GRIA4: variants seen among roughly 807,000 people sequenced by gnomAD.
GRIA4 encodes glutamate ionotropic receptor AMPA type subunit 4, also known as glutamate receptor 4.
A neutral mutation model predicts 104.0 loss-of-function variants in GRIA4; 34 were observed. The ratio of observed to expected loss-of-function variants is 0.33; its 90% CI spans 0.25 to 0.44. GRIA4 has a LOEUF of 0.44. Among genes scored for constraint, GRIA4 ranks in the 20% least tolerant of loss-of-function variants. The pLI, the probability that GRIA4 is intolerant of heterozygous loss-of-function variation, is 1.00. For synonymous variants in GRIA4, 386 were observed against 381.9 expected (o/e 1.01, Z -0.13); for missense variants, 750 against 1,096.5 (o/e 0.68, Z 4.46).
chr11:105,666,268 A>T (rs1438869730), intron 3 of GRIA4, among the ~76,000 whole-genome samples: 1 of 152,166 alleles, frequency 6.6e-6, no homozygotes, highest in East Asian at 1.9e-4. Context: ...TAATCCTTTC[A>T]TTCAAACAAT....
chr11:105,674,352 A>G (rs1055444980), intron 3 of GRIA4, among the ~76,000 whole-genome samples: 7 of 151,772 alleles, frequency 4.6e-5, no homozygotes, highest in Non-Finnish European at 7.4e-5. Context: ...GGGAGGGGTG[A>G]TTTTTAAATT....
intron 4 of GRIA4, among the ~76,000 whole-genome samples, chr11:105,783,592 C>A (rs1281845332): frequency 6.6e-6 from 1 of 152,216 alleles, no homozygotes; most frequent in Non-Finnish European, 1.5e-5. Context: ...CTTCCTTTAT[C>A]GTCCATAGGT....
chr11:105,779,429 G>GA (rs1033085742), intron 4 of GRIA4, among the ~76,000 whole-genome samples: 20 of 151,798 alleles, frequency 1.3e-4, no homozygotes, highest in African/African-American at 4.8e-4. Flanking sequence ...CACAGAATTG[G>GA]AAAAAACTAC....
chr11:105,756,891 G>A (rs1940343097), intron 4 of GRIA4, among the ~76,000 whole-genome samples: 1 of 152,072 alleles, frequency 6.6e-6, no homozygotes, highest in Admixed American at 6.6e-5. Flanking sequence ...CCAAGTATGA[G>A]GATCATCCAT....
chr11:105,626,984 T>C (rs1043512575), intron 3 of GRIA4, among the ~76,000 whole-genome samples: 32 of 152,178 alleles, frequency 2.1e-4, no homozygotes, highest in African/African-American at 7.2e-4. Context: ...CAGGTAAAGA[T>C]AGGTGCATTG....
At chr11:105,904,893 G>A (rs1946987086) in intron 8 of GRIA4, among the ~76,000 whole-genome samples, 1 of 152,068 alleles carries the variant, frequency 6.6e-6, no homozygotes, top group Non-Finnish European at 1.5e-5. Context: ...ATAAAAAATT[G>A]CCATTCCTAT....
intron 3 of GRIA4, among the ~76,000 whole-genome samples, chr11:105,669,796 C>G (rs2135434025): frequency 6.6e-6 from 1 of 152,282 alleles, no homozygotes; most frequent in South Asian, 2.1e-4. Context: ...TCACATAATT[C>G]TCTATTGTCA....
intron 4 of GRIA4, among the ~76,000 whole-genome samples, chr11:105,809,138 A>G (rs1943069893): frequency 1.3e-5 from 2 of 152,114 alleles, no homozygotes; most frequent in African/African-American, 4.8e-5. Flanking sequence ...TGTCTTTGCA[A>G]TTTTATGTAA....
intron 14 of GRIA4, chr11:105,965,836 G>A (rs1382944039): frequency 1.7e-5 from 13 of 777,442 alleles, no homozygotes; most frequent in Non-Finnish European, 2.6e-5. Context: ...ATGGTAAAAT[G>A]AGAGGTTTAT....
chr11:105,622,563 T>C (rs1331945350), intron 3 of GRIA4, among the ~76,000 whole-genome samples: 2 of 151,802 alleles, frequency 1.3e-5, no homozygotes, highest in African/African-American at 4.8e-5. Context: ...TTTTTTTTTC[T>C]TTCTTCTGAT....
rs1453445736 is a variant in GRIA4 at position 105,862,006 on chromosome 11, T to A, written c.488-18T>A. The A allele has an allele frequency of 9.2e-6, 14 of 1,515,022 alleles. No homozygotes were observed. Among genetic ancestry groups the A allele is most frequent in the Non-Finnish European group, 1.8e-6 (2 of 1,100,762 alleles). The allele number at this position is 1,515,022 out of a possible 1,614,324, so 93.8% of individuals were successfully genotyped here. A position where few individuals can be genotyped will look rare whatever the true frequency, so the allele number is the denominator to read the frequency against. ...GGAGTAAAAGCATGTTTTTAGTAAC[T>A]TTTTTTTTCCCCAATAGGATACTCG... On this transcript the variant is annotated intron_variant, in intron 4 of 16. Transcript: ENST00000282499.
intron 3 of GRIA4, among the ~76,000 whole-genome samples, chr11:105,651,454 G>A (rs1018578251): frequency 1.3e-5 from 2 of 152,050 alleles, no homozygotes; most frequent in Admixed American, 6.6e-5. Context: ...AGACGGACAC[G>A]GGAATCTCTC....
chr11:105,866,545 GTGTGTGTATATATATATATATATATA>G (rs112306017), intron 5 of GRIA4, among the ~76,000 whole-genome samples: 14,851 of 71,230 alleles, frequency 0.21, 937 homozygotes, highest in Non-Finnish European at 0.22. Flanking sequence ...ATGTGTGTGT[GTGTGTGTATATATATATATATATATA>G]TATATATATA....
chr11:105,683,271 C>T (rs1013657026), intron 3 of GRIA4, among the ~76,000 whole-genome samples: 3 of 151,372 alleles, frequency 2.0e-5, no homozygotes, highest in Admixed American at 1.3e-4. Flanking sequence ...GTATATGATG[C>T]CTCTTTAGAT....
intron 1 of GRIA4, 38 bp from the exon 2 acceptor site, chr11:105,610,870 C>CTTTTTTTTTTTTTTTTTGTTTTTT (rs1950455944): frequency 3.0e-6 from 1 of 330,396 alleles, no homozygotes; most frequent in African/African-American, 2.7e-5. Flanking sequence ...TCTTTCTTTT[C>CTTTTTTTTTTTTTTTTTGTTTTTT]TTTTTTTTTT....
intron 7 of GRIA4, among the ~76,000 whole-genome samples, chr11:105,898,921 A>T (rs1389351882): frequency 1.3e-5 from 2 of 152,202 alleles, no homozygotes; most frequent in Non-Finnish European, 2.9e-5. Flanking sequence ...ATTTGCTCAG[A>T]AAAAGCTGGT....
intron 4 of GRIA4, among the ~76,000 whole-genome samples, chr11:105,781,220 T>C (rs1053541481): frequency 6.6e-6 from 1 of 152,158 alleles, no homozygotes; most frequent in African/African-American, 2.4e-5. Flanking sequence ...TTAACATTAG[T>C]CAGATGTAAT....
At chr11:105,788,570 A>G (rs1226507909) in intron 4 of GRIA4, among the ~76,000 whole-genome samples, 1 of 152,206 alleles carries the variant, frequency 6.6e-6, no homozygotes. Context: ...CCAGAAAAAA[A>G]GAACAAAATC....
intron 5 of GRIA4, among the ~76,000 whole-genome samples, chr11:105,885,548 C>T (rs868573708): frequency 6.6e-6 from 1 of 152,186 alleles, no homozygotes; most frequent in Non-Finnish European, 1.5e-5. Context: ...ATTGGGTAGG[C>T]TGATTGGTCA....
Sources: gnomAD v4.1 joint callset for allele counts (sites outside exome capture counted in the v4.1 genomes callset) on GRCh38, gnomAD v4.1.1 for gene constraint, MANE v1.5 for transcripts, NCBI Gene and HGNC (gene_info 2026-07-23, HGNC 2026-07-21) for gene names.